The following NRG3 variants were observed in gnomAD, a reference collection of about 807,000 sequenced individuals.
The protein encoded by NRG3 is pro-neuregulin-3, membrane-bound isoform.
Under a neutral mutation model 66.9 loss-of-function variants are expected in NRG3, and 31 were observed. That is an observed-to-expected ratio of 0.46 (90% CI 0.35 to 0.63). The LOEUF (loss-of-function observed/expected upper bound fraction) is 0.63. Ranked by LOEUF, NRG3 falls within the 20% of genes least tolerant of loss-of-function variation. The pLI is 0.00. For missense variants in NRG3, 910 were observed against 878.9 expected (o/e 1.04, Z -0.45); for synonymous variants, 393 against 359.4 (o/e 1.09, Z -1.06).
intron 3 of NRG3, among the ~76,000 whole-genome samples, chr10:82,829,311 A>G (rs1339817686): frequency 6.6e-6 from 1 of 151,842 alleles, no homozygotes; most frequent in East Asian, 1.9e-4. Context: ...TGTCAGGTCT[A>G]TGATTTTAAA....
chr10:82,379,434 T>C (rs188730375), intron 2 of NRG3, among the ~76,000 whole-genome samples: 54 of 152,056 alleles, frequency 3.6e-4, no homozygotes, highest in East Asian at 3.1e-3. Flanking sequence ...GACAATGATC[T>C]AAAGAAGCGA....
chr10:82,497,838 A>G lies in NRG3; in HGVS notation c.953+138970A>G, dbSNP rs554759031. ...CTCATACTGCTTTTTCATAATGGCT[A>G]TACCAGTTCTCCCCACCAACGATAG... On this transcript the variant is annotated intron_variant, in intron 2 of 8. Coordinates refer to ENST00000372141, the MANE Select transcript of NRG3 (RefSeq NM_001010848.4). Among the ~76,000 whole-genome samples the G allele has an allele frequency of 3.9e-5, 6 of 152,238 alleles. No homozygotes were observed. In the East Asian group the frequency reaches 7.7e-4, roughly 20 times the overall value.
At chr10:82,314,003 T>C (rs2135024212) in intron 1 of NRG3, among the ~76,000 whole-genome samples, 1 of 152,346 alleles carries the variant, frequency 6.6e-6, no homozygotes, top group South Asian at 2.1e-4. Context: ...GCTCTGCTAC[T>C]TACTAACCAG....
intron 1 of NRG3, among the ~76,000 whole-genome samples, chr10:82,282,486 G>A (rs2079179294): frequency 6.6e-6 from 1 of 152,052 alleles, no homozygotes; most frequent in Non-Finnish European, 1.5e-5. Context: ...ACTGAAAGTT[G>A]TGTAACACAG....
At chr10:82,837,801 A>C (rs563133039) in intron 3 of NRG3, among the ~76,000 whole-genome samples, 1 of 152,146 alleles carries the variant, frequency 6.6e-6, no homozygotes, top group Non-Finnish European at 1.5e-5. Flanking sequence ...TGCTGAAAAA[A>C]TGCTTGTCAT....
At chr10:82,586,461 T>G (rs1260086319) in intron 2 of NRG3, among the ~76,000 whole-genome samples, 1 of 152,074 alleles carries the variant, frequency 6.6e-6, no homozygotes, top group Non-Finnish European at 1.5e-5. Context: ...TTACTTACAG[T>G]CTGGAACCAG....
chr10:82,763,518 T>TA (rs1042380769), intron 3 of NRG3, among the ~76,000 whole-genome samples: 2 of 152,106 alleles, frequency 1.3e-5, no homozygotes, highest in Non-Finnish European at 2.9e-5. Context: ...AAATAAAATT[T>TA]AAAAAACTAT....
At chr10:82,045,536 T>C (rs1389422188) in intron 1 of NRG3, among the ~76,000 whole-genome samples, 1 of 44,928 alleles carries the variant, frequency 2.2e-5, no homozygotes, top group African/African-American at 5.7e-5. Context: ...ACTCTGTTGG[T>C]AGTTTCTTTT....
intron 1 of NRG3, among the ~76,000 whole-genome samples, chr10:82,211,672 A>C (rs926600055): frequency 6.6e-6 from 1 of 152,214 alleles, no homozygotes; most frequent in African/African-American, 2.4e-5. Flanking sequence ...AAGAAACACC[A>C]GTCTTCAGGA....
intron 1 of NRG3, among the ~76,000 whole-genome samples, chr10:82,227,034 C>G (rs2076198214): frequency 6.6e-6 from 1 of 152,162 alleles, no homozygotes; most frequent in African/African-American, 2.4e-5. Context: ...TGTGAATCCA[C>G]TAAGAGTCAC....
chr10:82,228,103 G>T (rs1264266535), intron 1 of NRG3, among the ~76,000 whole-genome samples: 2 of 152,070 alleles, frequency 1.3e-5, no homozygotes, highest in Non-Finnish European at 2.9e-5. Flanking sequence ...TGTAGGAAAA[G>T]GTCAAAACCC....
chr10:82,229,788 T>C (rs1314992077), intron 1 of NRG3, among the ~76,000 whole-genome samples: 1 of 152,224 alleles, frequency 6.6e-6, no homozygotes, highest in African/African-American at 2.4e-5. Context: ...GTTGAGATTT[T>C]AGTTGAGGAC....
chr10:82,591,812 T>C (rs761954616), intron 2 of NRG3, among the ~76,000 whole-genome samples: 12 of 152,206 alleles, frequency 7.9e-5, no homozygotes, highest in Non-Finnish European at 1.3e-4. Flanking sequence ...TCAAATCTTT[T>C]AAGCAAAAAG....
chr10:82,781,920 G>A (rs1591506420), intron 3 of NRG3, among the ~76,000 whole-genome samples: 1 of 152,258 alleles, frequency 6.6e-6, no homozygotes, highest in African/African-American at 2.4e-5. Context: ...AATTACAGTG[G>A]TTTACAAGTA....
At chr10:82,296,405 G>C (rs2080064729) in intron 1 of NRG3, among the ~76,000 whole-genome samples, 1 of 152,182 alleles carries the variant, frequency 6.6e-6, no homozygotes, top group Non-Finnish European at 1.5e-5. Flanking sequence ...GGACAAGGCA[G>C]CCAGTGGAGT....
intron 4 of NRG3, among the ~76,000 whole-genome samples, chr10:82,908,861 A>T (rs1845022634): frequency 6.6e-6 from 1 of 152,184 alleles, no homozygotes. Context: ...GAGCTGTGGC[A>T]GTCAGGAGGG....
rs571057235 is a variant in NRG3, at chr10:82,378,822, C to T, written c.953+19954C>T. 2.0e-4 allele frequency among the ~76,000 whole-genome samples: 30 copies of T among 152,152 alleles called. No individual in the cohort carries two copies. The East Asian group carries it at 4.1e-3, about 21-fold the overall frequency. ...CAGACCTCAGGTGATCCACCCACCT[C>T]GGCCTCCCAAAGTGCTGGGATTACA... is the stretch of plus-strand genomic sequence containing the variant. On this transcript the variant is annotated intron_variant, in intron 2 of 8. Transcript: ENST00000372141.
At chr10:82,034,298 C>T (rs2062697301) in intron 1 of NRG3, among the ~76,000 whole-genome samples, 1 of 150,818 alleles carries the variant, frequency 6.6e-6, no homozygotes, top group Admixed American at 6.7e-5. Flanking sequence ...AATTGTGCTT[C>T]TTCCGAATCC....
chr10:82,764,777 T>C (rs2059456655), intron 3 of NRG3, among the ~76,000 whole-genome samples: 1 of 152,062 alleles, frequency 6.6e-6, no homozygotes, highest in Non-Finnish European at 1.5e-5. Flanking sequence ...AAATATAAGA[T>C]AGTATAAGAT....
Sources: gnomAD v4.1 joint callset for allele counts (sites outside exome capture counted in the v4.1 genomes callset) on GRCh38, gnomAD v4.1.1 for gene constraint, MANE v1.5 for transcripts, NCBI Gene and HGNC (gene_info 2026-07-23, HGNC 2026-07-21) for gene names.